The following CYFIP1 variants were observed in gnomAD, a reference collection of about 807,000 sequenced individuals.
CYFIP1 encodes the protein cytoplasmic FMR1 interacting protein 1, also known as cytoplasmic FMR1-interacting protein 1.
Under a neutral mutation model 163.5 loss-of-function variants are expected in CYFIP1, and 58 were observed. The ratio of observed to expected loss-of-function variants is 0.35; its 90% confidence interval spans 0.29 to 0.44. CYFIP1 has a LOEUF of 0.44. CYFIP1 is among the 20% of genes least tolerant of loss of function. The probability of loss-of-function intolerance (pLI) is 1.00; values close to 1 mark genes in which losing one functional copy is unlikely to be tolerated. For synonymous variants in CYFIP1, 663 were observed against 660.7 expected, an observed-to-expected ratio of 1.00 and a Z score of -0.05; for missense variants, 1,338 against 1,653.8, an observed-to-expected ratio of 0.81 and a Z score of 3.31.
intron 1 of CYFIP1, among the ~76,000 whole-genome samples, chr15:22,969,323 C>T (rs989141770): frequency 1.3e-5 from 2 of 152,204 alleles, no homozygotes; most frequent in Non-Finnish European, 2.9e-5. Context: ...ATGGGCTGTG[C>T]GTGAAGGAAA....
At chr15:22,906,931 G>C (rs886280908) in intron 21 of CYFIP1, among the ~76,000 whole-genome samples, 1 of 152,120 alleles carries the variant, frequency 6.6e-6, no homozygotes, top group Admixed American at 6.6e-5. Flanking sequence ...ATTGGACCAT[G>C]ATCTTTACCT....
chr15:22,957,907 G>C (rs1385107751), intron 1 of CYFIP1, among the ~76,000 whole-genome samples: 1 of 152,092 alleles, frequency 6.6e-6, no homozygotes, highest in Non-Finnish European at 1.5e-5. Context: ...GGTGTAGAAA[G>C]AATGTGCTCT....
intron 23 of CYFIP1, among the ~76,000 whole-genome samples, chr15:22,888,977 G>A (rs375239206): frequency 6.6e-6 from 1 of 151,796 alleles, no homozygotes; most frequent in African/African-American, 2.4e-5. Context: ...AATAATCACT[G>A]GAGGTTGCAG....
At chr15:22,940,172 G>A (rs550110194) in intron 6 of CYFIP1, among the ~76,000 whole-genome samples, 1 of 152,164 alleles carries the variant, frequency 6.6e-6, no homozygotes, top group African/African-American at 2.4e-5. Flanking sequence ...CAGTGGAAAC[G>A]GCCCACATAA....
In CYFIP1 at chr15:22,976,306, C is replaced by T. The variant is rs113871124; in HGVS notation, c.-7+3981G>A. ...CTGAGTAGCTGGGACTACAGGCGCA[C>T]GCCACCATGCCCAACTAATTTTTGT... is the stretch of plus-strand genomic sequence containing the variant. On this transcript the variant is annotated intron_variant, in intron 1 of 30. Coordinates refer to ENST00000617928, the MANE Select transcript of CYFIP1 (RefSeq NM_014608.6). Among the ~76,000 whole-genome samples the T allele has an allele frequency of 9.2e-3, 1,407 of 152,206 alleles. 8 individuals are homozygous for T. The highest frequency in any genetic ancestry group is 0.022 in the African/African-American group (919 of 41,524).
chr15:22,929,989 T>C (rs1422937173), intron 11 of CYFIP1, among the ~76,000 whole-genome samples: 2 of 151,588 alleles, frequency 1.3e-5, no homozygotes, highest in African/African-American at 2.4e-5. Flanking sequence ...AATCAAATTA[T>C]GCTGGCGTCA....
rs200496028 is a variant in CYFIP1, at chr15:22,872,875, G to A, written c.3547C>T (p.Leu1183=). The A allele has an allele frequency of 1.2e-6, 2 of 1,614,054 alleles. No homozygotes were observed. Among genetic ancestry groups the A allele is most frequent in the East Asian group, 2.2e-5 (1 of 44,882 alleles). Residue 1183 remains leucine, a synonymous_variant, in exon 30 of 31, where the codon CTA becomes TTA. Transcript: ENST00000617928. ...RFAVLDFCYH[L]LKVQKHDGKD... ...CCATCATGTTTCTGGACTTTAAGTA[G>A]ATGGTAGCAGAAATCCAGCACAGCA...
At chr15:22,926,311 T>A (rs116987660) in intron 12 of CYFIP1, among the ~76,000 whole-genome samples, 1 of 152,142 alleles carries the variant, frequency 6.6e-6, no homozygotes, top group African/African-American at 2.4e-5. Flanking sequence ...TTAAAAAATC[T>A]ACCCGGCAAA....
chr15:22,947,329 A>G (rs1250658312), intron 1 of CYFIP1, 38 bp from the exon 2 acceptor site: 1 of 1,597,488 alleles, frequency 6.3e-7, no homozygotes, highest in African/African-American at 1.3e-5. Context: ...CTGTGAGGAG[A>G]AGGAGGGGAC....
At chr15:22,873,462 G>T (rs1566910302) in intron 29 of CYFIP1, 29 bp downstream of exon 29, 1 of 1,581,410 alleles carries the variant, frequency 6.3e-7, no homozygotes, top group Non-Finnish European at 8.7e-7. Flanking sequence ...CTCCTCTGGG[G>T]CTTTGTCCTG....
At chr15:22,870,747 T>G (rs1323708761) in intron 30 of CYFIP1, among the ~76,000 whole-genome samples, 1 of 152,168 alleles carries the variant, frequency 6.6e-6, no homozygotes, top group African/African-American at 2.4e-5. Context: ...CATTGGCAAT[T>G]AAGAACCTAC....
intron 1 of CYFIP1, among the ~76,000 whole-genome samples, chr15:22,975,492 C>T (rs1286364628): frequency 2.2e-5 from 3 of 135,720 alleles, no homozygotes; most frequent in South Asian, 4.4e-4. Context: ...CGGTGGCTAA[C>T]GCCTGTAATC....
At chr15:22,873,048 G>T in intron 29 of CYFIP1, 76 bp from the exon 30 acceptor site, 1 of 1,522,944 alleles carries the variant, frequency 6.6e-7, no homozygotes, top group Non-Finnish European at 9.0e-7. Context: ...GTCTCCAGAT[G>T]TCAGTGACCA....
chr15:22,873,358 C>T (rs2059490049), intron 29 of CYFIP1, 133 bp downstream of exon 29: 1 of 735,414 alleles, frequency 1.4e-6, no homozygotes, highest in Admixed American at 2.8e-5. Flanking sequence ...CTACAGGAGG[C>T]TTAAAAGCCG....
chr15:22,943,118 G>T, intron 6 of CYFIP1, 55 bp downstream of exon 6: 1 of 1,553,294 alleles, frequency 6.4e-7, no homozygotes. Context: ...CACAAGGCAG[G>T]CCACTGAGCT....
At chr15:22,943,071 T>C (rs955290272) in intron 6 of CYFIP1, 102 bp downstream of exon 6, 3 of 1,133,918 alleles carry the variant, frequency 2.6e-6, no homozygotes, top group African/African-American at 1.6e-5. Context: ...CTACCAGAAG[T>C]GACGACTTCA....
intron 9 of CYFIP1, 70 bp from the exon 10 acceptor site, chr15:22,933,963 A>G: frequency 1.8e-6 from 2 of 1,084,546 alleles, no homozygotes; most frequent in Admixed American, 2.2e-5. Context: ...GCACAAGGAA[A>G]CTGACTAATG....
chr15:22,943,480 C>T (rs925499419), intron 5 of CYFIP1, 126 bp from the exon 6 acceptor site: 3 of 1,066,492 alleles, frequency 2.8e-6, no homozygotes, highest in Non-Finnish European at 4.0e-6. Flanking sequence ...AGGCTCCAGG[C>T]CGAAGTGTTT....
chr15:22,889,809 A>G lies in CYFIP1; in HGVS notation c.2676+3081T>C, dbSNP rs545077220. Among the ~76,000 whole-genome samples, 126 of 152,322 alleles carry G rather than the reference A, an allele frequency of 8.3e-4. 2 individuals carry two copies. The Middle Eastern group carries it at 0.01, about 12-fold the overall frequency. On this transcript the variant is annotated intron_variant, in intron 23 of 30. Transcript: ENST00000617928. The stretch of plus-strand genomic sequence containing the variant: ...AATTTCAAAGTCAAGAGAAGCCCAG[A>G]GCAAATCTTTTAGTTCACAGAGACC...
Sources: gnomAD v4.1 joint callset for allele counts (sites outside exome capture counted in the v4.1 genomes callset) on GRCh38, gnomAD v4.1.1 for gene constraint, MANE v1.5 for transcripts, NCBI Gene and HGNC (gene_info 2026-07-23, HGNC 2026-07-21) for gene names.